Variants in CIT observed in about 807,000 individuals in gnomAD.
CIT encodes citron Rho-interacting kinase.
CIT carries 79 observed loss-of-function variants against 272.7 expected under a neutral mutation model. That is an observed-to-expected ratio of 0.29 (90% CI 0.24 to 0.35). CIT has a LOEUF of 0.35. CIT is among the 10% of genes least tolerant of loss of function. The pLI, the probability that CIT is intolerant of heterozygous loss-of-function variation, is 1.00. For missense variants in CIT, 1,909 were observed against 2,618.3 expected, an observed-to-expected ratio of 0.73 and a Z score of 5.91; for synonymous variants, 948 against 995.6, an observed-to-expected ratio of 0.95 and a Z score of 0.90.
intron 10 of CIT, among the ~76,000 whole-genome samples, chr12:119,787,730 CAA>C (rs61554565): frequency 5.3e-3 from 259 of 49,038 alleles, no homozygotes; most frequent in Non-Finnish European, 7.2e-3. Flanking sequence ...GACTCCGTCT[CAA>C]AAAAAAAAAA....
rs1193420691 is a variant in CIT at position 119,792,084 on chromosome 12, G to A, written c.1296-7019C>T. On this transcript the variant is annotated intron_variant, in intron 10 of 47. Transcript: ENST00000392521. ...TGCATATCAAAAGAGAATACAATGT[G>A]TACTCCTTCCTACAAGCAAGTGTAC... Among the ~76,000 whole-genome samples, 9 of 152,130 alleles carry A rather than the reference G, an allele frequency of 5.9e-5. No individual in the cohort carries two copies. In the South Asian group the frequency reaches 6.2e-4, roughly 11 times the overall value.
At chr12:119,739,418 A>C (rs757981313) in intron 24 of CIT, among the ~76,000 whole-genome samples, 1 of 152,196 alleles carries the variant, frequency 6.6e-6, no homozygotes, top group East Asian at 1.9e-4. Flanking sequence ...AACTCCCATA[A>C]TAACTCATTT....
Position 119,782,597 on chromosome 12 carries a change from G to A in CIT, c.1586C>T (p.Ser529Phe). ...CTGCAGTGCTTTGTCATCCTCCTGG[G>A]ACACCTCCATCCGTGCTTGCTCCAA... ...RSLEQARMEV[S>F]QEDDKALQLL... Residue 529 changes from serine (S) to phenylalanine (F), a missense_variant, in exon 13 of 48, where the codon TCC (serine) becomes TTC (phenylalanine). By Grantham distance (155) the Ser-to-Phe change is radical. Transcript: ENST00000392521. 1.2e-6 allele frequency: 2 copies of A among 1,614,146 alleles called. No individual in the cohort carries two copies. The highest frequency in any genetic ancestry group is 8.5e-7 in the Non-Finnish European group (1 of 1,180,028).
intron 23 of CIT, among the ~76,000 whole-genome samples, chr12:119,751,709 T>C (rs1960287415): frequency 6.6e-6 from 1 of 151,816 alleles, no homozygotes; most frequent in Non-Finnish European, 1.5e-5. Context: ...TAAATGATTA[T>C]TGAAAACTAA....
intron 7 of CIT, among the ~76,000 whole-genome samples, chr12:119,829,015 G>C (rs188471768): frequency 1.7e-4 from 26 of 151,870 alleles, no homozygotes; most frequent in Admixed American, 3.3e-4. Flanking sequence ...GGAAAGGGGG[G>C]AAGAACTGAA....
intron 26 of CIT, 110 bp from the exon 27 acceptor site, chr12:119,730,740 G>A (rs1958391682): frequency 2.6e-6 from 3 of 1,139,940 alleles, no homozygotes; most frequent in Non-Finnish European, 3.7e-6. Context: ...CTGCAGGCCA[G>A]AAAGATGCCC....
intron 20 of CIT, among the ~76,000 whole-genome samples, chr12:119,760,032 C>T (rs1055380915): frequency 4.6e-5 from 7 of 151,574 alleles, no homozygotes; most frequent in Admixed American, 2.0e-4. Context: ...ACTAAAAATA[C>T]AAAAATTAGC....
chr12:119,757,726 T>C (rs1180235586), intron 21 of CIT, among the ~76,000 whole-genome samples, 181 bp from the exon 22 acceptor site: 1 of 152,160 alleles, frequency 6.6e-6, no homozygotes, highest in Non-Finnish European at 1.5e-5. Context: ...ATGACGAACG[T>C]GGGGACCATT....
intron 39 of CIT, among the ~76,000 whole-genome samples, chr12:119,708,771 A>G (rs1317840786): frequency 6.6e-6 from 1 of 152,190 alleles, no homozygotes; most frequent in East Asian, 1.9e-4. Context: ...TACAGGCGTG[A>G]GCCACCACGC....
rs1207070056 is a variant in CIT, at chr12:119,832,876, T to A, written c.660-12A>T. On this transcript the variant is annotated splice_polypyrimidine_tract_variant and intron_variant, in intron 6 of 47. Transcript: ENST00000392521. ...CAGGCTTGATGTCTCTGTAAGAAAATCAGGACCATGAATTGCCTCCTCCAT... is the reference window on the plus strand; with the variant it reads ...CAGGCTTGATGTCTCTGTAAGAAAAACAGGACCATGAATTGCCTCCTCCAT... 1.9e-6 allele frequency: 3 copies of A among 1,605,234 alleles called. No homozygotes were observed. The highest frequency in any genetic ancestry group is 1.7e-6 in the Non-Finnish European group (2 of 1,172,114).
intron 14 of CIT, 92 bp downstream of exon 14, chr12:119,776,580 G>A: frequency 7.6e-7 from 1 of 1,308,370 alleles, no homozygotes; most frequent in Non-Finnish European, 1.1e-6. Flanking sequence ...CTCAAACTAG[G>A]TTGTTTCTCA....
chr12:119,860,711 A>G (rs1190923552), intron 3 of CIT, among the ~76,000 whole-genome samples: 1 of 151,980 alleles, frequency 6.6e-6, no homozygotes, highest in African/African-American at 2.4e-5. Context: ...AACCATGACA[A>G]TACTCTCTTG....
At chr12:119,765,266 G>A (rs1180445449) in intron 19 of CIT, among the ~76,000 whole-genome samples, 1 of 150,584 alleles carries the variant, frequency 6.6e-6, no homozygotes, top group Non-Finnish European at 1.5e-5. Flanking sequence ...AGCCAGGTAT[G>A]GTGTCATGTG....
At chr12:119,762,572 G>A (rs1209542567) in intron 19 of CIT, among the ~76,000 whole-genome samples, 1 of 152,174 alleles carries the variant, frequency 6.6e-6, no homozygotes, top group African/African-American at 2.4e-5. Context: ...CTAGAAGTTA[G>A]CAGAGACCAC....
chr12:119,691,127 G>A (rs1218875850), intron 46 of CIT, among the ~76,000 whole-genome samples: 2 of 146,806 alleles, frequency 1.4e-5, no homozygotes, highest in Non-Finnish European at 3.0e-5. Context: ...AGCCAAGATC[G>A]GACCACTGCA....
chr12:119,840,773 C>T (rs1969356822), intron 5 of CIT, among the ~76,000 whole-genome samples: 1 of 152,104 alleles, frequency 6.6e-6, no homozygotes, highest in Non-Finnish European at 1.5e-5. Context: ...TTGAGACATG[C>T]CTGAAAAATC....
In CIT at chr12:119,767,163, C is replaced by T. The variant is rs959207549; in HGVS notation, c.2228G>A (p.Arg743Gln). Residue 743 changes from arginine (R) to glutamine (Q), a missense_variant, in exon 19 of 48, where the codon CGG becomes CAG. By Grantham distance (43) the Arg-to-Gln change is conservative. Transcript: ENST00000392521. ...GTGCTGGGCTGAGACTTGGGCCTCC[C>T]GATGTTTCTCTTCGAGCTCCTAGAC... The part of the protein sequence containing the change: ...DKILELEEKH[R>Q]EAQVSAQHLE... 17 of 1,609,696 alleles carry T rather than the reference C, an allele frequency of 1.1e-5. No individual in the cohort carries two copies. The highest frequency in any genetic ancestry group is 1.3e-5 in the Non-Finnish European group (15 of 1,177,916).
rs1330900494 is a variant in CIT, at chr12:119,784,827, G to T, written c.1401+133C>A. ...CTGAGCTGCTGGAGGCGCGACTTCAGCGAAGGCAGGAGCGCCTCACTCTCT... is the reference window on the plus strand; with the variant it reads ...CTGAGCTGCTGGAGGCGCGACTTCATCGAAGGCAGGAGCGCCTCACTCTCT... On this transcript the variant is annotated intron_variant, in intron 11 of 47. Transcript: ENST00000392521. This position sits in a 1 kb window ranked among gnomAD's most constrained non-coding sequence, Gnocchi z 4.7. 6.9e-7 allele frequency: 1 copy of T among 1,450,556 alleles called. No individual in the cohort carries two copies. The highest frequency in any genetic ancestry group is 1.4e-5 in the African/African-American group (1 of 69,778). The allele number at this position is 1,450,556 out of a possible 1,614,324, so 89.9% of individuals were successfully genotyped here. A position where few individuals can be genotyped will look rare whatever the true frequency, so the allele number is the denominator to read the frequency against.
chr12:119,715,488 G>A (rs1483942907), intron 32 of CIT, among the ~76,000 whole-genome samples: 1 of 152,126 alleles, frequency 6.6e-6, no homozygotes, highest in African/African-American at 2.4e-5. Context: ...CAGATCGACA[G>A]AGACAGAAAG....
Sources: gnomAD v4.1 joint callset for allele counts (sites outside exome capture counted in the v4.1 genomes callset) on GRCh38, gnomAD v4.1.1 for gene constraint, Gnocchi (gnomAD v3.1) non-coding constraint, MANE v1.5 for transcripts, NCBI Gene and HGNC (gene_info 2026-07-23, HGNC 2026-07-21) for gene names.